Variants in MED13L observed in about 807,000 individuals in gnomAD.
MED13L encodes the protein mediator complex subunit 13L, also known as mediator of RNA polymerase II transcription subunit 13-like.
Under a neutral mutation model 220.9 loss-of-function variants are expected in MED13L, and 7 were observed. That is an observed-to-expected ratio of 0.03 (90% CI 0.02 to 0.06). MED13L has a LOEUF of 0.06. MED13L is among the 10% of genes least tolerant of loss of function. The probability of loss-of-function intolerance (pLI) is 1.00; values close to 1 mark genes in which losing one functional copy is unlikely to be tolerated. For synonymous variants in MED13L, 1,011 were observed against 1,015.2 expected, an observed-to-expected ratio of 1.00 and a Z score of 0.08; for missense variants, 1,965 against 2,760.5, an observed-to-expected ratio of 0.71 and a Z score of 6.46.
At chr12:116,043,099 A>ACATT (rs1881634555) in intron 4 of MED13L, among the ~76,000 whole-genome samples, 1 of 152,202 alleles carries the variant, frequency 6.6e-6, no homozygotes, top group Non-Finnish European at 1.5e-5. Flanking sequence ...CTGTGGAGAT[A>ACATT]CATTCAGCTA....
At chr12:116,259,642 A>T (rs183357892) in intron 1 of MED13L, among the ~76,000 whole-genome samples, 380 of 152,318 alleles carry the variant, frequency 2.5e-3, no homozygotes, top group African/African-American at 8.9e-3. Context: ...TTGTACCATG[A>T]ATCTTTCTAC....
intron 2 of MED13L, among the ~76,000 whole-genome samples, chr12:116,159,086 A>G (rs1162158982): frequency 6.6e-6 from 1 of 152,182 alleles, no homozygotes; most frequent in Non-Finnish European, 1.5e-5. Context: ...ACAACTTTCT[A>G]GGAAAGGATT....
At chr12:116,095,173 A>G (rs1270301240) in intron 4 of MED13L, among the ~76,000 whole-genome samples, 1 of 152,204 alleles carries the variant, frequency 6.6e-6, no homozygotes, top group East Asian at 1.9e-4. Flanking sequence ...AAAAACTTAA[A>G]GAAGTAAAAA....
intron 1 of MED13L, 33 bp from the exon 2 acceptor site, chr12:116,237,738 T>G (rs1458004423): frequency 2.5e-6 from 4 of 1,573,378 alleles, no homozygotes; most frequent in Non-Finnish European, 3.5e-6. Flanking sequence ...AATCGTTTTC[T>G]CATTTTACTT....
In MED13L at chr12:116,127,351, A is replaced by G. The variant is rs550480847; in HGVS notation, c.311-15839T>C. Among the ~76,000 whole-genome samples, 13 of 152,370 alleles carry G rather than the reference A, an allele frequency of 8.5e-5. No individual in the cohort carries two copies. In the South Asian group the frequency reaches 2.1e-3, roughly 24 times the overall value. ...AAAATACATATGAGATAATAGGTTA[A>G]AAGTTCAACTGTATATACATCATGA... On this transcript the variant is annotated intron_variant, in intron 2 of 30. Transcript: ENST00000281928.
chr12:116,080,695 T>C (rs1871177038), intron 4 of MED13L, among the ~76,000 whole-genome samples: 1 of 152,230 alleles, frequency 6.6e-6, no homozygotes, highest in Non-Finnish European at 1.5e-5. Context: ...GTAAAATCAA[T>C]GCAGATAGAA....
At chr12:115,978,349 CAG>C (rs1877097551) in intron 23 of MED13L, among the ~76,000 whole-genome samples, 1 of 132,688 alleles carries the variant, frequency 7.5e-6, no homozygotes, top group South Asian at 2.4e-4. Context: ...TTTTTGGAGA[CAG>C]AGTCTCACTC....
At chr12:116,053,321 G>A (rs939854682) in intron 4 of MED13L, among the ~76,000 whole-genome samples, 6 of 151,924 alleles carry the variant, frequency 3.9e-5, no homozygotes, top group African/African-American at 4.8e-5. Flanking sequence ...AAGTATAATC[G>A]AAGGTATACA....
intron 5 of MED13L, 59 bp from the exon 6 acceptor site, chr12:116,020,031 C>T: frequency 7.0e-7 from 1 of 1,434,306 alleles, no homozygotes; most frequent in East Asian, 2.3e-5. Context: ...TACTTAAGTG[C>T]AACACTACAT....
chr12:115,986,919 A>G (rs1877728548), intron 18 of MED13L, among the ~76,000 whole-genome samples, 190 bp downstream of exon 18: 1 of 152,212 alleles, frequency 6.6e-6, no homozygotes, highest in Non-Finnish European at 1.5e-5. Context: ...GACCTGGATT[A>G]TGCCAAGGGT....
intron 2 of MED13L, among the ~76,000 whole-genome samples, chr12:116,117,022 G>A (rs1874583629): frequency 6.6e-6 from 1 of 151,740 alleles, no homozygotes; most frequent in South Asian, 2.1e-4. Flanking sequence ...TATAGTAGTT[G>A]TATTTGTAAA....
chr12:116,268,891 T>A (rs958039800), intron 1 of MED13L, among the ~76,000 whole-genome samples: 4 of 152,208 alleles, frequency 2.6e-5, no homozygotes, highest in African/African-American at 9.7e-5. Flanking sequence ...AGTAAAAAGA[T>A]CTAATGAAGA....
intron 2 of MED13L, among the ~76,000 whole-genome samples, chr12:116,192,957 C>T (rs1438409517): frequency 1.3e-5 from 2 of 152,144 alleles, no homozygotes; most frequent in East Asian, 1.9e-4. Context: ...ACGGTGAAAC[C>T]GCGTCTCTAT....
At chr12:115,974,461 A>C (rs377597250) in intron 25 of MED13L, among the ~76,000 whole-genome samples, 9 of 152,346 alleles carry the variant, frequency 5.9e-5, no homozygotes, top group African/African-American at 2.2e-4. Flanking sequence ...TACTCACATA[A>C]AACTGTACAA....
chr12:116,177,985 A>G (rs1362814633), intron 2 of MED13L, among the ~76,000 whole-genome samples: 1 of 152,142 alleles, frequency 6.6e-6, no homozygotes, highest in Non-Finnish European at 1.5e-5. Context: ...CCTCTCAGGT[A>G]GCTGGGACTA....
In MED13L at chr12:115,970,786, T is replaced by G. The variant is rs188574299; in HGVS notation, c.5891-16A>C. On this transcript the variant is annotated splice_polypyrimidine_tract_variant and intron_variant, in intron 26 of 30. Coordinates refer to ENST00000281928, the MANE Select transcript of MED13L (RefSeq NM_015335.5). ...GTGACAGCATCTTTAAAGAAAAAAA[T>G]AGAATTATATCAATCAATGAACAAC... 1.2e-6 allele frequency: 2 copies of G among 1,610,918 alleles called. No homozygotes were observed. The highest frequency in any genetic ancestry group is 3.3e-5 in the Admixed American group (2 of 59,810).
At chr12:115,981,039 TTACCAC>T (rs970335854) in intron 22 of MED13L, 101 bp from the exon 23 acceptor site, 1 of 941,848 alleles carries the variant, frequency 1.1e-6, no homozygotes, top group Middle Eastern at 3.2e-4. Flanking sequence ...CATGAATTCC[TTACCAC>T]AATGGGGAGA....
chr12:116,022,472 T>G lies in MED13L; in HGVS notation c.609A>C (p.Ser203=). 1 of 1,613,754 alleles carries G rather than the reference T, an allele frequency of 6.2e-7. No individual in the cohort carries two copies. The highest frequency in any genetic ancestry group is 1.1e-5 in the South Asian group (1 of 91,042). ...NEEHIHMAQS[S]PAPFQVLVSP... is the part of the protein sequence containing the mutation. ...CATACTTACCTTGAAATGGTGCAGG[T>G]GAAGACTGAGCCATGTGTATATGCT... The change falls in exon 5 of 31, where the codon TCA becomes TCC. Residue 203 remains serine, a synonymous_variant. Coordinates refer to ENST00000281928, the MANE Select transcript of MED13L (RefSeq NM_015335.5).
At chr12:116,098,530 G>A (rs1487967820) in intron 3 of MED13L, among the ~76,000 whole-genome samples, 1 of 152,108 alleles carries the variant, frequency 6.6e-6, no homozygotes, top group African/African-American at 2.4e-5. Context: ...CAAAGAGGAT[G>A]GAAACAATTC....
Sources: allele counts gnomAD v4.1 joint callset (sites outside exome capture counted in the v4.1 genomes callset), GRCh38; gene constraint gnomAD v4.1.1; transcripts MANE v1.5; gene names NCBI Gene and HGNC (gene_info 2026-07-23, HGNC 2026-07-21).